SYPL1: variants seen among roughly 807,000 people sequenced by gnomAD.
SYPL1 encodes synaptophysin like 1.
SYPL1 carries 6 observed loss-of-function variants against 23.7 expected under a neutral mutation model. That is an observed-to-expected ratio of 0.25 (90% CI 0.14 to 0.50). The LOEUF is 0.50. SYPL1 is among the 20% of genes least tolerant of loss of function. The pLI is 0.98. For synonymous variants in SYPL1, 102 were observed against 104.5 expected, an observed-to-expected ratio of 0.98 and a Z score of 0.15; for missense variants, 253 against 288.9, an observed-to-expected ratio of 0.88 and a Z score of 0.90.
At chr7:106,112,372 G>T, upstream of SYPL1, 2 of 1,289,422 alleles carry the variant, frequency 1.6e-6, no homozygotes, top group Non-Finnish European at 2.0e-6. Flanking sequence ...CGGAGCGGCG[G>T]CGGTTGAGCT....
At chr7:106,101,534 A>G (rs1840322166) in intron 1 of SYPL1, among the ~76,000 whole-genome samples, 1 of 143,370 alleles carries the variant, frequency 7.0e-6, no homozygotes, top group Admixed American at 7.1e-5. Flanking sequence ...TCCAGCACAT[A>G]GTTTGGGGTC....
At chr7:106,112,456 G>A, upstream of SYPL1, 2 of 1,476,080 alleles carry the variant, frequency 1.4e-6, no homozygotes, top group Non-Finnish European at 8.9e-7. Context: ...GCGGAGACCG[G>A]GAGGCTTCTC....
rs757374964 is a variant in SYPL1 at position 106,097,936 on chromosome 7, C to A, written c.195-39G>T. On this transcript the variant is annotated intron_variant, in intron 2 of 4. Coordinates refer to ENST00000455385, the MANE Select transcript of SYPL1 (RefSeq NM_182715.4). The surrounding 1 kb of genome is among the most constrained non-coding windows in gnomAD (Gnocchi z 4.6). ...TGTATGAATTATTGGACTTTCCCAA[C>A]AGAGACAGAAACATTTAAGCAAAAC... is the stretch of plus-strand genomic sequence containing the variant. 6.5e-6 allele frequency: 10 copies of A among 1,537,908 alleles called. No individual in the cohort carries two copies. Among genetic ancestry groups the A allele is most frequent in the Non-Finnish European group, 8.9e-6 (10 of 1,123,746 alleles).
chr7:106,106,949 T>C (rs1331980117), intron 1 of SYPL1, among the ~76,000 whole-genome samples: 1 of 152,266 alleles, frequency 6.6e-6, no homozygotes, highest in Non-Finnish European at 1.5e-5. Flanking sequence ...AGTATTCACC[T>C]GGTTTATGAG....
In SYPL1 at chr7:106,097,190, G is replaced by A. The variant is rs1014443725; in HGVS notation, c.402+500C>T. Among the ~76,000 whole-genome samples, 13 of 152,276 alleles carry A rather than the reference G, an allele frequency of 8.5e-5. No homozygotes were observed. The highest frequency in any genetic ancestry group is 4.6e-4 in the Admixed American group (7 of 15,288). On this transcript the variant is annotated intron_variant, in intron 3 of 4. Transcript: ENST00000455385. The surrounding 1 kb of genome is among the most constrained non-coding windows in gnomAD (Gnocchi z 4.6). Reference sequence around the variant, plus strand: ...TGCCCTCCTGCCTGGGCGACAAAGCGAGACCTTGTCTCAAAAAGTAAATAT... The same window carrying A: ...TGCCCTCCTGCCTGGGCGACAAAGCAAGACCTTGTCTCAAAAAGTAAATAT...
At position 106,104,896 on chromosome 7, in the gene SYPL1, G is replaced by A. The variant is rs73719099; in HGVS notation, c.70-5614C>T. On this transcript the variant is annotated intron_variant, in intron 1 of 4. Coordinates refer to ENST00000455385, the MANE Select transcript of SYPL1 (RefSeq NM_182715.4). The surrounding 1 kb of genome is among the most constrained non-coding windows in gnomAD (Gnocchi z 4.1). ...TAAAACCCGGCCTGCAAATATATTT[G>A]TGTGGCCTTTCCAGTATTACAAAAA... Among the ~76,000 whole-genome samples the A allele has an allele frequency of 0.012, 1,781 of 152,234 alleles. 29 individuals carry two copies. The highest frequency in any genetic ancestry group is 0.041 in the African/African-American group (1,696 of 41,532).
intron 1 of SYPL1, among the ~76,000 whole-genome samples, chr7:106,101,453 C>G (rs1484529968): frequency 1.5e-3 from 5 of 3,376 alleles, no homozygotes; most frequent in Admixed American, 5.1e-3. Context: ...CCCCCCCCCC[C>G]CCCCCCCCCC....
At chr7:106,099,407 T>A in intron 1 of SYPL1, 125 bp from the exon 2 acceptor site, 1 of 1,185,538 alleles carries the variant, frequency 8.4e-7, no homozygotes, top group African/African-American at 1.6e-5. Context: ...CTAGAAATTC[T>A]TTTTTTGAGA....
upstream of SYPL1, chr7:106,112,442 C>A: frequency 7.9e-7 from 1 of 1,272,936 alleles, no homozygotes; most frequent in Non-Finnish European, 1.0e-6. Flanking sequence ...AGGGGCGGGC[C>A]GGGGCGGAGA....
At chr7:106,112,493 T>A, upstream of SYPL1, 1 of 1,524,484 alleles carries the variant, frequency 6.6e-7, no homozygotes, top group Non-Finnish European at 8.8e-7. Flanking sequence ...CCGAGTCGAC[T>A]GATCCGCTGG....
Position 106,099,239 on chromosome 7 carries a change from C to A in SYPL1, c.113G>T (p.Gly38Val). The change falls in exon 2 of 5, where the codon GGC (glycine) becomes GTC (valine). Residue 38 changes from glycine to valine, a missense_variant. Physicochemically the swap from Gly to Val is moderately radical, Grantham distance 109. Coordinates refer to ENST00000455385, the MANE Select transcript of SYPL1 (RefSeq NM_182715.4). ...FAFATCGGFK[G>V]QTEIQVNCPP... ...ACAATTCACTTGAATTTCTGTTTGG[C>A]CCTTAAAACCTCCACAGGTGGCAAA... is the stretch of plus-strand genomic sequence containing the variant. The A allele has an allele frequency of 6.2e-7, 1 of 1,613,882 alleles. No homozygotes were observed. The highest frequency in any genetic ancestry group is 8.5e-7 in the Non-Finnish European group (1 of 1,179,936).
At position 106,096,326 on chromosome 7, in the gene SYPL1, AAAAT is replaced by A. The variant is rs1193632457; in HGVS notation, c.402+1360_402+1363del. 6.6e-6 allele frequency: 1 copy of A among 152,264 alleles called. No homozygotes were observed. Among genetic ancestry groups the A allele is most frequent in the Admixed American group, 6.5e-5 (1 of 15,290 alleles). 9.4% of individuals were successfully genotyped at this position (152,264 alleles called of 1,614,324 possible). ...TTCTTATGATCCAGCAGCAAAATTA[AAAAT>A]AAATATGTAAATAAAACTTGTAATG... On this transcript the variant is annotated intron_variant, in intron 3 of 4. Coordinates refer to ENST00000455385, the MANE Select transcript of SYPL1 (RefSeq NM_182715.4). This position sits in a 1 kb window ranked among gnomAD's most constrained non-coding sequence, Gnocchi z 4.4.
chr7:106,111,823 G>C (rs1198864900), intron 1 of SYPL1: 1 of 172,670 alleles, frequency 5.8e-6, no homozygotes, highest in African/African-American at 2.4e-5. Context: ...TTCCTCTGCG[G>C]GAGGCAGTGG....
In SYPL1 at chr7:106,112,299, G is replaced by A. The variant is rs998105984; in HGVS notation, c.-91C>T. The A allele has an allele frequency of 1.0e-5, 14 of 1,356,196 alleles. No homozygotes were observed. Among genetic ancestry groups the A allele is most frequent in the African/African-American group, 8.9e-5 (6 of 67,250 alleles). 84.0% of individuals were successfully genotyped at this position (1,356,196 alleles called of 1,614,324 possible). A position where few individuals can be genotyped will look rare whatever the true frequency, so the allele number is the denominator to read the frequency against. On this transcript the variant is annotated 5_prime_UTR_variant, in exon 1 of 5. Transcript: ENST00000455385. Reference sequence around the variant, plus strand: ...AGCAGCCCGGTGGCGAGGAAGGGCAGGCGGGGCTGGCGCGCTGGCCGGGCT... The same window carrying A: ...AGCAGCCCGGTGGCGAGGAAGGGCAAGCGGGGCTGGCGCGCTGGCCGGGCT...
Position 106,111,992 on chromosome 7 carries a change from G to A in SYPL1, c.69+148C>T, listed in dbSNP as rs1585946937. The A allele has an allele frequency of 4.9e-6, 5 of 1,030,594 alleles. No homozygotes were observed. The African/African-American group carries it at 5.1e-5, about 10-fold the overall frequency. The allele number at this position is 1,030,594 out of a possible 1,614,324, so 63.8% of individuals were successfully genotyped here. A position where few individuals can be genotyped will look rare whatever the true frequency, so the allele number is the denominator to read the frequency against. On this transcript the variant is annotated intron_variant, in intron 1 of 4. Transcript: ENST00000455385. ...GCGCGGCCCAGGCCGCGGCCTCCCT[G>A]CCCTCCCTGCCGTCCACTCCCAGTC...
chr7:106,102,480 A>G (rs1840380185), intron 1 of SYPL1, among the ~76,000 whole-genome samples: 1 of 152,120 alleles, frequency 6.6e-6, no homozygotes, highest in African/African-American at 2.4e-5. Context: ...TTGGGAGGAT[A>G]CTCAGGCAAC....
At chr7:106,094,772 TTCCA>T (rs1221228131) in intron 3 of SYPL1, among the ~76,000 whole-genome samples, 4 of 152,252 alleles carry the variant, frequency 2.6e-5, no homozygotes, top group Non-Finnish European at 5.9e-5. Flanking sequence ...ATTTTCTTCC[TTCCA>T]AAGTCTTTTT....
chr7:106,098,694 C>T (rs1466439403), intron 2 of SYPL1, among the ~76,000 whole-genome samples: 1 of 152,128 alleles, frequency 6.6e-6, no homozygotes, highest in East Asian at 1.9e-4. Flanking sequence ...TGGCTTTATG[C>T]TAATGAATGA....
At chr7:106,112,555 T>G, upstream of SYPL1, 1 of 1,497,324 alleles carries the variant, frequency 6.7e-7, no homozygotes, top group Non-Finnish European at 8.9e-7. Context: ...CCCCCTTCCC[T>G]GCGGTTCAGC....
Sources: gnomAD v4.1 joint callset for allele counts (sites outside exome capture counted in the v4.1 genomes callset) on GRCh38, gnomAD v4.1.1 for gene constraint, Gnocchi (gnomAD v3.1) non-coding constraint, MANE v1.5 for transcripts, NCBI Gene and HGNC (gene_info 2026-07-23, HGNC 2026-07-21) for gene names.